ADAMTS18: variants seen among roughly 807,000 people sequenced by gnomAD.
ADAMTS18 encodes A disintegrin and metalloproteinase with thrombospondin motifs 18.
In ADAMTS18, 157 loss-of-function variants were observed where a neutral mutation model predicts 165.9. That is an observed-to-expected ratio of 0.95 (90% CI 0.83 to 1.08). The LOEUF (loss-of-function observed/expected upper bound fraction) is 1.08. Ranked by LOEUF, ADAMTS18 falls within the 50% of genes least tolerant of loss-of-function variation. The pLI, the probability that ADAMTS18 is intolerant of heterozygous loss-of-function variation, is 0.00. For synonymous variants in ADAMTS18, 782 were observed against 578.2 expected (o/e 1.35, Z -5.06); for missense variants, 2,040 against 1,534.0 (o/e 1.33, Z -5.51).
At chr16:77,431,066 C>T (rs755100432) in intron 3 of ADAMTS18, among the ~76,000 whole-genome samples, 3 of 152,166 alleles carry the variant, frequency 2.0e-5, no homozygotes, top group Non-Finnish European at 4.4e-5. Context: ...TGAAAAGTCC[C>T]AGACCATTAA....
intron 10 of ADAMTS18, among the ~76,000 whole-genome samples, chr16:77,343,656 C>T (rs2056432561): frequency 6.6e-6 from 1 of 152,194 alleles, no homozygotes; most frequent in Admixed American, 6.5e-5. Context: ...AACCACTACA[C>T]TAGGCCTGGA....
intron 12 of ADAMTS18, among the ~76,000 whole-genome samples, chr16:77,326,714 T>A (rs1379656971): frequency 6.6e-6 from 1 of 152,370 alleles, no homozygotes; most frequent in East Asian, 1.9e-4. Context: ...TTAAATTTTT[T>A]AAATTTTTTA....
chr16:77,302,955 G>A (rs2055613200), intron 16 of ADAMTS18, among the ~76,000 whole-genome samples: 1 of 152,156 alleles, frequency 6.6e-6, no homozygotes, highest in Non-Finnish European at 1.5e-5. Context: ...CACATGTCAA[G>A]CTTCCCCAGA....
intron 3 of ADAMTS18, among the ~76,000 whole-genome samples, chr16:77,401,991 T>C (rs1020775270): frequency 6.6e-6 from 1 of 152,106 alleles, no homozygotes; most frequent in African/African-American, 2.4e-5. Context: ...CGGACTCAGG[T>C]CAAATCACAT....
intron 4 of ADAMTS18, among the ~76,000 whole-genome samples, chr16:77,365,386 C>T (rs1032928055): frequency 7.9e-5 from 12 of 152,158 alleles, no homozygotes; most frequent in African/African-American, 2.7e-4. Context: ...ATGTAAACAG[C>T]TCTAAAATAG....
chr16:77,334,422 GTATA>G (rs1286889736), intron 12 of ADAMTS18, among the ~76,000 whole-genome samples: 2 of 102,114 alleles, frequency 2.0e-5, no homozygotes, highest in African/African-American at 4.2e-5. Flanking sequence ...ATATTATATA[GTATA>G]TATACTGTAT....
rs569230225 is a variant in ADAMTS18, at chr16:77,291,330, C to T, written c.3338G>A (p.Arg1113Gln). The change falls in exon 21 of 23, where the codon CGG becomes CAG. Residue 1113 changes from arginine to glutamine, a missense_variant. Physicochemically the swap from Arg to Gln is conservative, Grantham distance 43. Transcript: ENST00000282849. ...GTACACTGGATGGGCTGGGCAAGCC[C>T]GTCGGTTGCAGGTCTCTTCCAAGTC... ...NLDLEETCNR[R>Q]ACPAHPVYNM... The T allele has an allele frequency of 2.2e-5, 35 of 1,614,154 alleles. No individual in the cohort carries two copies. Among genetic ancestry groups the T allele is most frequent in the South Asian group, 1.9e-4 (17 of 91,072 alleles).
intron 3 of ADAMTS18, among the ~76,000 whole-genome samples, chr16:77,381,065 G>T (rs1378806429): frequency 6.6e-6 from 1 of 151,978 alleles, no homozygotes; most frequent in East Asian, 1.9e-4. Context: ...GTAGAGACGG[G>T]GTTTCACCAT....
At chr16:77,342,244 G>A (rs890065378) in intron 10 of ADAMTS18, among the ~76,000 whole-genome samples, 2 of 152,134 alleles carry the variant, frequency 1.3e-5, no homozygotes, top group African/African-American at 2.4e-5. Context: ...GTACAATAGC[G>A]ATCAAATGAG....
At chr16:77,375,781 C>T (rs911905880) in intron 3 of ADAMTS18, among the ~76,000 whole-genome samples, 1 of 151,888 alleles carries the variant, frequency 6.6e-6, no homozygotes, top group Non-Finnish European at 1.5e-5. Flanking sequence ...ATAATTGGCT[C>T]ATGTTTTCAC....
At chr16:77,403,284 G>T (rs1471606040) in intron 3 of ADAMTS18, among the ~76,000 whole-genome samples, 6 of 152,120 alleles carry the variant, frequency 3.9e-5, no homozygotes, top group Admixed American at 3.9e-4. Context: ...TAATAATAAC[G>T]ACCAGCACTT....
intron 16 of ADAMTS18, among the ~76,000 whole-genome samples, chr16:77,314,573 T>C (rs985695741): frequency 8.5e-4 from 125 of 146,432 alleles, no homozygotes; most frequent in African/African-American, 3.0e-3. Context: ...GATTGTGCCA[T>C]TGCACTCCAG....
chr16:77,319,050 T>C (rs1003481393), intron 16 of ADAMTS18, among the ~76,000 whole-genome samples: 3 of 152,180 alleles, frequency 2.0e-5, no homozygotes, highest in Non-Finnish European at 4.4e-5. Flanking sequence ...CTTTTAATTA[T>C]CATTTTTTTT....
chr16:77,410,313 A>G (rs1356673058), intron 3 of ADAMTS18, among the ~76,000 whole-genome samples: 6 of 151,386 alleles, frequency 4.0e-5, no homozygotes, highest in Non-Finnish European at 7.4e-5. Context: ...AAAAATTCCT[A>G]CAAAGAATCA....
chr16:77,376,130 C>G (rs1360227177), intron 3 of ADAMTS18, among the ~76,000 whole-genome samples: 1 of 152,024 alleles, frequency 6.6e-6, no homozygotes, highest in South Asian at 2.1e-4. Context: ...CTTGAACTCC[C>G]GATCTCAGGT....
At chr16:77,293,440 A>C (rs553131662) in intron 19 of ADAMTS18, among the ~76,000 whole-genome samples, 182 bp from the exon 20 acceptor site, 11 of 152,156 alleles carry the variant, frequency 7.2e-5, no homozygotes, top group Non-Finnish European at 1.5e-4. Context: ...ATATCTGGCT[A>C]AAACAATTAT....
chr16:77,294,924 T>A lies in ADAMTS18; in HGVS notation c.3005A>T (p.Gln1002Leu), dbSNP rs773449203. 1.2e-6 allele frequency: 2 copies of A among 1,613,924 alleles called. No homozygotes were observed. Among genetic ancestry groups the A allele is most frequent in the South Asian group, 2.2e-5 (2 of 91,060 alleles). Reference protein sequence around the residue: ...PPQWSLGPWSQCSKTCGRGVR... With the variant: ...PPQWSLGPWSLCSKTCGRGVR... Reference sequence around the variant, plus strand: ...AACTCCCAAGTTTTCTCCTGTTACCTGAGACCAGGGTCCAAGGCTCCATTG... The same window carrying A: ...AACTCCCAAGTTTTCTCCTGTTACCAGAGACCAGGGTCCAAGGCTCCATTG... Residue 1002 changes from glutamine to leucine, a missense_variant and splice_region_variant, in exon 19 of 23, where the codon CAG (glutamine) becomes CTG (leucine). Physicochemically the swap from Gln to Leu is moderately radical, Grantham distance 113. Transcript: ENST00000282849.
chr16:77,293,161 G>T lies in ADAMTS18; in HGVS notation c.3104C>A (p.Pro1035His), dbSNP rs1019481262. Residue 1035 changes from proline to histidine, a missense_variant, in exon 20 of 23, where the codon CCC becomes CAC. Physicochemically the swap from Pro to His is moderately conservative, Grantham distance 77. Transcript: ENST00000282849. ...ACAGCCCTCCTGCAGCTCAGGTCTG[G>T]GGAGACTGGTACACTGGCTCTCGGG... is the stretch of plus-strand genomic sequence containing the variant. ...TLPESQCTSL[P>H]RPELQEGCVL... 6.2e-7 allele frequency: 1 copy of T among 1,613,940 alleles called. No homozygotes were observed. Among genetic ancestry groups the T allele is most frequent in the Non-Finnish European group, 8.5e-7 (1 of 1,179,978 alleles).
At position 77,431,299 on chromosome 16, in the gene ADAMTS18, C is replaced by G. The variant is rs1256329387; in HGVS notation, c.491G>C (p.Gly164Ala). The G allele has an allele frequency of 1.2e-6, 2 of 1,614,110 alleles. No homozygotes were observed. Among genetic ancestry groups the G allele is most frequent in the Non-Finnish European group, 1.7e-6 (2 of 1,180,026 alleles). ...CTCAGACTGGGGTGTACTTACCAAGCCAGCACACGTAGACACAGCGACAGA... is the reference window on the plus strand; with the variant it reads ...CTCAGACTGGGGTGTACTTACCAAGGCAGCACACGTAGACACAGCGACAGA... The part of the protein sequence containing the change: ...SSSVAVSTCA[G>A]LSGLIRTRKN... Residue 164 changes from glycine (G) to alanine (A), a missense_variant, in exon 3 of 23, where the codon GGC (glycine) becomes GCC (alanine). Transcript: ENST00000282849.
Sources: allele counts gnomAD v4.1 joint callset (sites outside exome capture counted in the v4.1 genomes callset), GRCh38; gene constraint gnomAD v4.1.1; transcripts MANE v1.5; gene names NCBI Gene and HGNC (gene_info 2026-07-23, HGNC 2026-07-21).